Variants in MCMDC2 observed in about 807,000 individuals in gnomAD.
The protein encoded by MCMDC2 is minichromosome maintenance domain containing 2.
A neutral mutation model predicts 75.8 loss-of-function variants in MCMDC2; 54 were observed. That is an observed-to-expected ratio of 0.71 (90% CI 0.57 to 0.89). MCMDC2 has a LOEUF of 0.89. Ranked by LOEUF, MCMDC2 falls within the 40% of genes least tolerant of loss-of-function variation. MCMDC2 has a pLI of 0.00. For synonymous variants in MCMDC2, 249 were observed against 274.6 expected (o/e 0.91, Z 0.92); for missense variants, 656 against 780.4 (o/e 0.84, Z 1.90).
At chr8:66,897,413 A>G (rs987031500) in intron 12 of MCMDC2, among the ~76,000 whole-genome samples, 7 of 151,520 alleles carry the variant, frequency 4.6e-5, no homozygotes, top group Non-Finnish European at 8.8e-5. Flanking sequence ...TCTCAAAAAA[A>G]AAAAAAAGAA....
At chr8:66,901,747 A>G (rs1434732368) in intron 13 of MCMDC2, 5 of 383,238 alleles carry the variant, frequency 1.3e-5, no homozygotes, top group African/African-American at 2.2e-5. Context: ...CCTGGGCAAC[A>G]CAGTAAAACC....
intron 8 of MCMDC2, among the ~76,000 whole-genome samples, chr8:66,882,951 G>A (rs972662594): frequency 6.6e-5 from 10 of 152,142 alleles, no homozygotes; most frequent in Admixed American, 5.9e-4. Context: ...TCCAGAATGA[G>A]ATGTATTTAA....
intron 6 of MCMDC2, 24 bp from the exon 7 acceptor site, chr8:66,878,787 CTAAT>C: frequency 6.8e-7 from 1 of 1,480,666 alleles, no homozygotes; most frequent in Non-Finnish European, 9.2e-7. Context: ...ATTCTAATAT[CTAAT>C]TATTTTTTGC....
intron 14 of MCMDC2, among the ~76,000 whole-genome samples, chr8:66,917,804 C>T (rs943441194): frequency 1.3e-5 from 2 of 152,206 alleles, no homozygotes; most frequent in Non-Finnish European, 2.9e-5. Flanking sequence ...TATCCATTCA[C>T]CTGTCAATGG....
chr8:66,895,986 A>G (rs182824170), intron 10 of MCMDC2, among the ~76,000 whole-genome samples, 184 bp from the exon 11 acceptor site: 1 of 152,330 alleles, frequency 6.6e-6, no homozygotes, highest in African/African-American at 2.4e-5. Context: ...GGGACACATA[A>G]GGCTTCAAAT....
intron 13 of MCMDC2, among the ~76,000 whole-genome samples, chr8:66,903,120 C>CAA (rs75252833): frequency 2.8e-4 from 33 of 117,174 alleles, no homozygotes; most frequent in Admixed American, 3.5e-4. Context: ...GAAACTGTCT[C>CAA]AAAAAAAAAA....
intron 10 of MCMDC2, among the ~76,000 whole-genome samples, chr8:66,895,389 CTTCT>C (rs1484853635): frequency 5.3e-5 from 8 of 149,638 alleles, no homozygotes; most frequent in Admixed American, 1.3e-4. Context: ...CCTTCTTCTT[CTTCT>C]TTCTTTCTTT....
rs536122881 is a variant in MCMDC2, at chr8:66,920,831, C to A, written c.*1662C>A. ...GGGACTACAGGGACATGCTACCACC[C>A]TGGGATAACTTCTGCATTTTTTGTA... On this transcript the variant is annotated 3_prime_UTR_variant, in exon 15 of 15. Coordinates refer to ENST00000422365, the MANE Select transcript of MCMDC2 (RefSeq NM_173518.5). 4 of 152,116 alleles carry A rather than the reference C, an allele frequency of 2.6e-5. No individual in the cohort carries two copies. The highest frequency in any genetic ancestry group is 9.6e-5 in the African/African-American group (4 of 41,484). 9.4% of individuals were successfully genotyped at this position (152,116 alleles called of 1,614,324 possible). A position where few individuals can be genotyped will look rare whatever the true frequency, so the allele number is the denominator to read the frequency against.
At chr8:66,914,386 T>G (rs980065786) in intron 14 of MCMDC2, among the ~76,000 whole-genome samples, 6 of 150,252 alleles carry the variant, frequency 4.0e-5, no homozygotes, top group Admixed American at 4.0e-4. Flanking sequence ...GAAAGAACAA[T>G]GGAAGGGACT....
At chr8:66,880,287 A>G (rs140172945) in intron 7 of MCMDC2, among the ~76,000 whole-genome samples, 3 of 152,320 alleles carry the variant, frequency 2.0e-5, no homozygotes, top group African/African-American at 7.2e-5. Flanking sequence ...CCAACACTTT[A>G]GGAGGCTGAG....
chr8:66,881,122 T>C (rs747601346), intron 8 of MCMDC2, 148 bp downstream of exon 8: 4 of 559,916 alleles, frequency 7.1e-6, no homozygotes, highest in Non-Finnish European at 1.1e-5. Flanking sequence ...TTTCTGTTCT[T>C]AAGTCACATG....
In MCMDC2 at chr8:66,910,741, G is replaced by A. The variant is rs568801975; in HGVS notation, c.1879+5406G>A. On this transcript the variant is annotated intron_variant, in intron 14 of 14. Coordinates refer to ENST00000422365, the MANE Select transcript of MCMDC2 (RefSeq NM_173518.5). ...GGAGAATCGCTTGAACCCGGGAGACGGAGGTTGTAGTGAGATGAGATCATG... is the reference window on the plus strand; with the variant it reads ...GGAGAATCGCTTGAACCCGGGAGACAGAGGTTGTAGTGAGATGAGATCATG... Among the ~76,000 whole-genome samples the A allele has an allele frequency of 7.2e-5, 11 of 152,132 alleles. No homozygotes were observed. In the South Asian group the frequency reaches 8.3e-4, roughly 11 times the overall value.
rs1813529113 is a variant in MCMDC2 at position 66,921,479 on chromosome 8, C to T, written c.*2310C>T. The T allele has an allele frequency of 6.6e-6, 1 of 152,138 alleles. No individual in the cohort carries two copies. The highest frequency in any genetic ancestry group is 1.5e-5 in the Non-Finnish European group (1 of 68,026). 9.4% of individuals were successfully genotyped at this position (152,138 alleles called of 1,614,324 possible). A position where few individuals can be genotyped will look rare whatever the true frequency, so the allele number is the denominator to read the frequency against. On this transcript the variant is annotated 3_prime_UTR_variant, in exon 15 of 15. Transcript: ENST00000422365. ...GGTAAAAGGAATTTATAAGCTAGTA[C>T]TCAACAGGAGAAAAGATTTAGCTCT...
intron 9 of MCMDC2, among the ~76,000 whole-genome samples, chr8:66,884,904 G>T (rs1811761055): frequency 1.3e-5 from 2 of 151,938 alleles, no homozygotes; most frequent in South Asian, 4.1e-4. Flanking sequence ...AGCCTCCTGA[G>T]TAGCTGTGAC....
chr8:66,873,245 T>C (rs1283924687), intron 1 of MCMDC2, among the ~76,000 whole-genome samples: 1 of 152,194 alleles, frequency 6.6e-6, no homozygotes, highest in East Asian at 1.9e-4. Flanking sequence ...ATATTTAAAA[T>C]TGGAAGGGGC....
chr8:66,917,299 G>A (rs1388875568), intron 14 of MCMDC2, among the ~76,000 whole-genome samples: 1 of 152,136 alleles, frequency 6.6e-6, no homozygotes, highest in Non-Finnish European at 1.5e-5. Context: ...GCACTGCTTG[G>A]CACAGTTGCT....
At chr8:66,878,161 CCTT>C (rs1811386249) in intron 5 of MCMDC2, among the ~76,000 whole-genome samples, 1 of 152,072 alleles carries the variant, frequency 6.6e-6, no homozygotes, top group South Asian at 2.1e-4. Context: ...TCAGTTTAGT[CCTT>C]CTGCAGGACT....
chr8:66,923,236 C>G (rs1168892606), downstream of MCMDC2, among the ~76,000 whole-genome samples: 1 of 152,118 alleles, frequency 6.6e-6, no homozygotes, highest in South Asian at 2.1e-4. Context: ...AGTTTCAGAG[C>G]AGGGATACCT....
intron 14 of MCMDC2, among the ~76,000 whole-genome samples, chr8:66,908,251 G>A (rs112268671): frequency 0.018 from 2,781 of 152,204 alleles, 86 homozygotes; most frequent in African/African-American, 0.062. Flanking sequence ...TTTGTATAAG[G>A]TGTAAGGAAG....
Sources: gnomAD v4.1 joint callset for allele counts (sites outside exome capture counted in the v4.1 genomes callset) on GRCh38, gnomAD v4.1.1 for gene constraint, MANE v1.5 for transcripts, NCBI Gene and HGNC (gene_info 2026-07-23, HGNC 2026-07-21) for gene names.